The following SLC20A1 variants were observed in gnomAD, a reference collection of about 807,000 sequenced individuals.
The protein encoded by SLC20A1 is sodium-dependent phosphate transporter 1.
In SLC20A1, 28 loss-of-function variants were observed where a neutral mutation model predicts 62.7. That is an observed-to-expected ratio of 0.45 (90% CI 0.33 to 0.61). SLC20A1 has a LOEUF of 0.61. Among genes scored for constraint, SLC20A1 ranks in the 20% least tolerant of loss-of-function variants. SLC20A1 has a pLI of 0.02. For missense variants in SLC20A1, 673 were observed against 838.6 expected (o/e 0.80, Z 2.44); for synonymous variants, 305 against 302.9 (o/e 1.01, Z -0.07).
chr2:112,658,847 T>C lies in SLC20A1; in HGVS notation c.801T>C (p.Ser267=), dbSNP rs1686670940. Residue 267 remains serine, a synonymous_variant, in exon 7 of 11, where the codon TCT becomes TCC. Transcript: ENST00000272542. The part of the protein sequence containing the change: ...KIEREIKCSP[S]ESPLMEKKNS... ...TAGGAGAAATAAAGTGTAGTCCTTC[T>C]GAAAGCCCCTTAATGGAAAAAAAGA... is the stretch of plus-strand genomic sequence containing the variant. The C allele has an allele frequency of 1.9e-6, 3 of 1,611,944 alleles. No individual in the cohort carries two copies. The African/African-American group carries it at 4.0e-5, about 22-fold the overall frequency.
At position 112,659,030 on chromosome 2, in the gene SLC20A1, A is replaced by G. The variant is rs1447868264; in HGVS notation, c.984A>G (p.Pro328=). 1 of 1,601,190 alleles carries G rather than the reference A, an allele frequency of 6.2e-7. No homozygotes were observed. The highest frequency in any genetic ancestry group is 1.7e-5 in the Admixed American group (1 of 59,694). ...AACTTGGAGATTTGGAGGAAGCTCC[A>G]GAGAGAGAGAGGCTTCCCAGCGTGG... is the stretch of plus-strand genomic sequence containing the variant. ...SFKLGDLEEA[P]ERERLPSVDL... Residue 328 remains proline (P), a synonymous_variant, in exon 7 of 11, where the codon CCA becomes CCG. Transcript: ENST00000272542.
At chr2:112,646,376 C>G (rs1206927827) in intron 1 of SLC20A1, among the ~76,000 whole-genome samples, 187 bp from the exon 2 acceptor site, 1 of 151,860 alleles carries the variant, frequency 6.6e-6, no homozygotes, top group Non-Finnish European at 1.5e-5. Context: ...AGGGGCTGGG[C>G]TGGGCGCGCG....
At chr2:112,657,955 T>C (rs1266446592) in intron 6 of SLC20A1, among the ~76,000 whole-genome samples, 1 of 152,184 alleles carries the variant, frequency 6.6e-6, no homozygotes, top group East Asian at 1.9e-4. Context: ...TTCATCGATG[T>C]GAAGGCTGGG....
Position 112,647,282 on chromosome 2 carries a change from G to A in SLC20A1, c.335-42G>A, listed in dbSNP as rs376790379. On this transcript the variant is annotated intron_variant, in intron 2 of 10. Coordinates refer to ENST00000272542, the MANE Select transcript of SLC20A1 (RefSeq NM_005415.5). Reference sequence around the variant, plus strand: ...TTTCTGAATGTGCCACTTACATAATGGAATTTTGATATTTACTTAATAAAA... The same window carrying A: ...TTTCTGAATGTGCCACTTACATAATAGAATTTTGATATTTACTTAATAAAA... The A allele has an allele frequency of 3.9e-4, 623 of 1,601,840 alleles. 10 individuals are homozygous for A. The South Asian group carries it at 6.4e-3, about 16-fold the overall frequency.
intron 9 of SLC20A1, chr2:112,660,811 T>G: frequency 1.9e-6 from 1 of 519,070 alleles, no homozygotes; most frequent in Non-Finnish European, 3.4e-6. Flanking sequence ...AAGCTGTGTA[T>G]GCTAAGAGCG....
intron 4 of SLC20A1, chr2:112,652,364 A>C (rs1013902735): frequency 3.5e-6 from 1 of 283,952 alleles, no homozygotes; most frequent in Non-Finnish European, 6.6e-6. Context: ...ACAAACGTAG[A>C]GTATAGCCTA....
intron 5 of SLC20A1, among the ~76,000 whole-genome samples, chr2:112,656,177 G>A (rs1437298969): frequency 7.0e-6 from 1 of 142,414 alleles, no homozygotes; most frequent in African/African-American, 2.6e-5. Flanking sequence ...TTGTGTGTGA[G>A]AAAGACAAAA....
Position 112,646,923 on chromosome 2 carries a change from C to T in SLC20A1, c.95C>T (p.Ala32Val), listed in dbSNP as rs1686296636. The T allele has an allele frequency of 1.9e-6, 3 of 1,613,874 alleles. No homozygotes were observed. The highest frequency in any genetic ancestry group is 2.5e-6 in the Non-Finnish European group (3 of 1,179,994). Reference protein sequence around the residue: ...LWMLILGFIIAFVLAFSVGAN... With the variant: ...LWMLILGFIIVFVLAFSVGAN... ...ATGCTCATCCTGGGCTTCATTATTG[C>T]ATTTGTCTTGGCATTCTCCGTGGGA... Residue 32 changes from alanine to valine, a missense_variant, in exon 2 of 11, where the codon GCA becomes GTA. Physicochemically the swap from Ala to Val is moderately conservative, Grantham distance 64. Coordinates refer to ENST00000272542, the MANE Select transcript of SLC20A1 (RefSeq NM_005415.5).
In SLC20A1 at chr2:112,659,632, A is replaced by G; in HGVS notation, c.1477A>G (p.Arg493Gly). Residue 493 changes from arginine (R) to glycine (G), a missense_variant, in exon 8 of 11, where the codon AGA becomes GGA. Transcript: ENST00000272542. ...CAAGGCAGAGATGGGTCTAGGTGAC[A>G]GAAAAGGAAGTAATGGCTCTCTAGA... Reference protein sequence around the residue: ...SVKAEMGLGDRKGSNGSLEEW... With the variant: ...SVKAEMGLGDGKGSNGSLEEW... 1 of 1,614,244 alleles carries G rather than the reference A, an allele frequency of 6.2e-7. No homozygotes were observed. The highest frequency in any genetic ancestry group is 8.5e-7 in the Non-Finnish European group (1 of 1,180,038).
At position 112,659,298 on chromosome 2, in the gene SLC20A1, G is replaced by T; in HGVS notation, c.1143G>T (p.Val381=). The T allele has an allele frequency of 6.2e-7, 1 of 1,614,178 alleles. No homozygotes were observed. The highest frequency in any genetic ancestry group is 8.5e-7 in the Non-Finnish European group (1 of 1,180,032). The change falls in exon 8 of 11, where the codon GTG becomes GTT. Residue 381 remains valine, a synonymous_variant. Coordinates refer to ENST00000272542, the MANE Select transcript of SLC20A1 (RefSeq NM_005415.5). ...NSSGHYQYHT[V]HKDSGLYKEL... is the part of the protein sequence containing the mutation. Reference sequence around the variant, plus strand: ...GTGGCCACTACCAGTATCACACCGTGCATAAGGATTCCGGCCTGTACAAAG... The same window carrying T: ...GTGGCCACTACCAGTATCACACCGTTCATAAGGATTCCGGCCTGTACAAAG...
intron 5 of SLC20A1, 26 bp downstream of exon 5, chr2:112,652,824 T>G (rs1208897685): frequency 1.2e-6 from 2 of 1,612,092 alleles, no homozygotes; most frequent in African/African-American, 2.7e-5. Context: ...AATATTTAAA[T>G]GTGAATTTAA....
intron 7 of SLC20A1, 33 bp downstream of exon 7, chr2:112,659,127 C>A (rs1225507762): frequency 6.2e-7 from 1 of 1,608,958 alleles, no homozygotes. Context: ...ACTTTTGTTA[C>A]CTGCAGTGGT....
rs116729139 is a variant in SLC20A1 at position 112,655,643 on chromosome 2, A to G, written c.659-1479A>G. ...TCACACTTCAGTCTCCTGAGTAGCT[A>G]GAGATCATTATAACATCTGTTAGAT... On this transcript the variant is annotated intron_variant, in intron 5 of 10. Coordinates refer to ENST00000272542, the MANE Select transcript of SLC20A1 (RefSeq NM_005415.5). Among the ~76,000 whole-genome samples, 1,079 of 150,634 alleles carry G rather than the reference A, an allele frequency of 7.2e-3. 16 individuals carry two copies. Among genetic ancestry groups the G allele is most frequent in the African/African-American group, 0.025 (1,011 of 40,922 alleles).
chr2:112,657,087 C>T, intron 5 of SLC20A1, 35 bp from the exon 6 acceptor site: 1 of 1,613,458 alleles, frequency 6.2e-7, no homozygotes, highest in Non-Finnish European at 8.5e-7. Context: ...GGCTGTTGCC[C>T]TGGGGTTTTC....
chr2:112,647,285 A>C, intron 2 of SLC20A1, 39 bp from the exon 3 acceptor site: 1 of 1,603,262 alleles, frequency 6.2e-7, no homozygotes, highest in African/African-American at 1.3e-5. Flanking sequence ...ACATAATGGA[A>C]TTTTGATATT....
In SLC20A1 at chr2:112,663,545, A is replaced by C. The variant is rs535525736; in HGVS notation, c.*520A>C. The stretch of plus-strand genomic sequence containing the variant: ...CCTCCTGTCAGTAGTGGCAGGATCT[A>C]TTGGCATATTCGGGAGCTTCTTAGA... On this transcript the variant is annotated 3_prime_UTR_variant, in exon 11 of 11. Coordinates refer to ENST00000272542, the MANE Select transcript of SLC20A1 (RefSeq NM_005415.5). 1 of 186,260 alleles carries C rather than the reference A, an allele frequency of 5.4e-6. No homozygotes were observed. Among genetic ancestry groups the C allele is most frequent in the South Asian group, 1.0e-4 (1 of 9,916 alleles). 11.5% of individuals were successfully genotyped at this position (186,260 alleles called of 1,614,324 possible).
chr2:112,654,296 T>C (rs1686525804), intron 5 of SLC20A1, among the ~76,000 whole-genome samples: 1 of 152,234 alleles, frequency 6.6e-6, no homozygotes, highest in Admixed American at 6.5e-5. Context: ...ATTTCCATTG[T>C]AAACAGTTCT....
At chr2:112,656,891 C>A in intron 5 of SLC20A1, 1 of 547,894 alleles carries the variant, frequency 1.8e-6, no homozygotes, top group Admixed American at 3.1e-5. Context: ...ACTTGAGTCC[C>A]GCAGGTGTTC....
At chr2:112,655,741 G>T (rs569439865) in intron 5 of SLC20A1, among the ~76,000 whole-genome samples, 41 of 151,834 alleles carry the variant, frequency 2.7e-4, no homozygotes, top group Non-Finnish European at 5.2e-4. Context: ...TGTCACCCAG[G>T]CTGGCTGGAG....
Sources: allele counts gnomAD v4.1 joint callset (sites outside exome capture counted in the v4.1 genomes callset), GRCh38; gene constraint gnomAD v4.1.1; transcripts MANE v1.5; gene names NCBI Gene and HGNC (gene_info 2026-07-23, HGNC 2026-07-21).